ATP8A2: variants seen among roughly 807,000 people sequenced by gnomAD.
The protein encoded by ATP8A2 is phospholipid-transporting ATPase IB.
In ATP8A2, 100 loss-of-function variants were observed where a neutral mutation model predicts 165.6. The observed-to-expected ratio is 0.60, with a 90% CI of 0.51 to 0.71. The LOEUF (loss-of-function observed/expected upper bound fraction) is 0.71. Among genes scored for constraint, ATP8A2 ranks in the 30% least tolerant of loss-of-function variants. ATP8A2 has a pLI of 0.00. For synonymous variants in ATP8A2, 543 were observed against 548.8 expected, an observed-to-expected ratio of 0.99 and a Z score of 0.15; for missense variants, 1,227 against 1,479.5, an observed-to-expected ratio of 0.83 and a Z score of 2.80.
intron 25 of ATP8A2, among the ~76,000 whole-genome samples, chr13:25,705,898 G>C (rs543329169): frequency 8.9e-4 from 135 of 152,158 alleles, no homozygotes; most frequent in Non-Finnish European, 1.5e-3. Flanking sequence ...AAAGCATAAT[G>C]GTGTTCTGTT....
At chr13:25,819,298 G>T (rs1185579005) in intron 27 of ATP8A2, among the ~76,000 whole-genome samples, 1 of 152,084 alleles carries the variant, frequency 6.6e-6, no homozygotes, top group Non-Finnish European at 1.5e-5. Flanking sequence ...ACTCTCCAAA[G>T]ATTTTATAGA....
chr13:25,825,068 C>T (rs539603621), intron 27 of ATP8A2, among the ~76,000 whole-genome samples: 34 of 146,548 alleles, frequency 2.3e-4, no homozygotes, highest in African/African-American at 8.5e-4. Context: ...CTAATCTGAT[C>T]ATATTTGTTT....
intron 27 of ATP8A2, among the ~76,000 whole-genome samples, chr13:25,777,787 A>T (rs1203749507): frequency 6.6e-6 from 1 of 152,216 alleles, no homozygotes; most frequent in African/African-American, 2.4e-5. Flanking sequence ...GATGTAATGC[A>T]GTCTACTCAC....
intron 27 of ATP8A2, among the ~76,000 whole-genome samples, chr13:25,793,827 T>C (rs1029108985): frequency 7.2e-5 from 11 of 152,166 alleles, no homozygotes; most frequent in African/African-American, 2.4e-4. Context: ...ATGTCATGAG[T>C]GTACTCAGGT....
At chr13:25,566,166 A>G (rs2039307428) in intron 16 of ATP8A2, among the ~76,000 whole-genome samples, 1 of 151,986 alleles carries the variant, frequency 6.6e-6, no homozygotes, top group African/African-American at 2.4e-5. Context: ...TCGCACACCC[A>G]CAGGCTGTGA....
chr13:25,688,214 A>C (rs949703141), intron 24 of ATP8A2, among the ~76,000 whole-genome samples: 1 of 152,136 alleles, frequency 6.6e-6, no homozygotes, highest in African/African-American at 2.4e-5. Flanking sequence ...CCTAAGAGTT[A>C]ATTACAGGAT....
intron 35 of ATP8A2, among the ~76,000 whole-genome samples, chr13:25,992,924 T>G: frequency 7.0e-6 from 1 of 142,820 alleles, no homozygotes. Context: ...CACCTATGAG[T>G]GAGAATATGC....
chr13:25,713,477 T>G (rs775290896), intron 25 of ATP8A2, among the ~76,000 whole-genome samples: 1 of 152,224 alleles, frequency 6.6e-6, no homozygotes, highest in East Asian at 1.9e-4. Flanking sequence ...ACAGCTTTCA[T>G]GTAGACGTTC....
chr13:25,628,020 C>G (rs1481920842), intron 24 of ATP8A2, among the ~76,000 whole-genome samples: 5 of 152,110 alleles, frequency 3.3e-5, no homozygotes, highest in African/African-American at 1.2e-4. Context: ...ATTGAGAAGC[C>G]ATGTTATCCA....
At chr13:25,518,285 C>G (rs7325454) in intron 2 of ATP8A2, among the ~76,000 whole-genome samples, 120 of 152,268 alleles carry the variant, frequency 7.9e-4, no homozygotes, top group Non-Finnish European at 1.6e-3. Context: ...CTATCGGGAG[C>G]CTGCTAGGAT....
At chr13:25,420,826 G>A (rs1317800464) in intron 1 of ATP8A2, among the ~76,000 whole-genome samples, 2 of 152,190 alleles carry the variant, frequency 1.3e-5, no homozygotes, top group African/African-American at 4.8e-5. Context: ...AAGAAGCTCA[G>A]TTTCATTTGA....
chr13:25,596,554 A>T (rs1289361111), intron 24 of ATP8A2, among the ~76,000 whole-genome samples: 1 of 152,156 alleles, frequency 6.6e-6, no homozygotes, highest in Non-Finnish European at 1.5e-5. Flanking sequence ...CTTTCATTCA[A>T]CACAATTATT....
intron 2 of ATP8A2, among the ~76,000 whole-genome samples, chr13:25,484,355 T>G (rs560443030): frequency 8.5e-5 from 13 of 152,216 alleles, no homozygotes; most frequent in African/African-American, 3.1e-4. Context: ...CCCTCCCTCC[T>G]TTTTTCCCTT....
chr13:25,946,874 A>C (rs1036648359), intron 33 of ATP8A2, among the ~76,000 whole-genome samples: 8 of 151,962 alleles, frequency 5.3e-5, no homozygotes, highest in Non-Finnish European at 1.2e-4. Flanking sequence ...CAGCCTCCCA[A>C]GTAGCTGGGA....
At chr13:25,589,331 T>C (rs1210864011) in intron 23 of ATP8A2, among the ~76,000 whole-genome samples, 1 of 152,174 alleles carries the variant, frequency 6.6e-6, no homozygotes, top group East Asian at 1.9e-4. Context: ...CCTGAAGTGT[T>C]CACTGTTACT....
chr13:25,888,222 T>C (rs1171525296), intron 33 of ATP8A2, among the ~76,000 whole-genome samples: 2 of 152,276 alleles, frequency 1.3e-5, no homozygotes, highest in East Asian at 3.9e-4. Context: ...GTTTTCACTT[T>C]ATAAAAGTGA....
At chr13:25,751,438 T>C (rs764685167) in intron 25 of ATP8A2, among the ~76,000 whole-genome samples, 14 of 152,220 alleles carry the variant, frequency 9.2e-5, no homozygotes, top group African/African-American at 2.9e-4. Context: ...ATTATTTATT[T>C]ATTTTATTTT....
At chr13:25,715,568 A>G (rs779811932) in intron 25 of ATP8A2, among the ~76,000 whole-genome samples, 5 of 152,206 alleles carry the variant, frequency 3.3e-5, no homozygotes, top group Admixed American at 6.5e-5. Flanking sequence ...CCTGTTCTGG[A>G]CATTGCTTTG....
chr13:25,556,337 G>A (rs1202327241), intron 13 of ATP8A2, among the ~76,000 whole-genome samples: 1 of 152,090 alleles, frequency 6.6e-6, no homozygotes, highest in African/African-American at 2.4e-5. Context: ...TCTCATTGTG[G>A]TTTTGATTTG....
Sources: allele counts gnomAD v4.1 joint callset (sites outside exome capture counted in the v4.1 genomes callset), GRCh38; gene constraint gnomAD v4.1.1; transcripts MANE v1.5; gene names NCBI Gene and HGNC (gene_info 2026-07-23, HGNC 2026-07-21).